The following YARS2 variants were observed in gnomAD, a reference collection of about 807,000 sequenced individuals.
YARS2 encodes tyrosyl-tRNA synthetase 2.
YARS2 carries 38 observed loss-of-function variants against 45.0 expected under a neutral mutation model. That is an observed-to-expected ratio of 0.84 (90% CI 0.65 to 1.11). The LOEUF (loss-of-function observed/expected upper bound fraction) is 1.11. Among genes scored for constraint, YARS2 ranks in the 50% least tolerant of loss-of-function variants. The pLI, the probability that YARS2 is intolerant of heterozygous loss-of-function variation, is 0.00. For missense variants in YARS2, 602 were observed against 599.8 expected, an observed-to-expected ratio of 1.00 and a Z score of -0.04; for synonymous variants, 287 against 245.1, an observed-to-expected ratio of 1.17 and a Z score of -1.60.
intron 2 of YARS2, among the ~76,000 whole-genome samples, chr12:32,752,538 T>G (rs1055235975): frequency 6.6e-6 from 1 of 151,966 alleles, no homozygotes; most frequent in African/African-American, 2.4e-5. Context: ...GTGGATCACT[T>G]GAGGTCAGGA....
chr12:32,754,152 T>C lies in YARS2; in HGVS notation c.780-67A>G, dbSNP rs1955801554. 2.5e-6 allele frequency: 4 copies of C among 1,589,616 alleles called. No homozygotes were observed. The South Asian group carries it at 3.3e-5, about 13-fold the overall frequency. ...GTGGTGGTAGGTTCTACTGTTCACCTTCCAGATTTCTTTCTGGTTACTTGC... is the reference window on the plus strand; with the variant it reads ...GTGGTGGTAGGTTCTACTGTTCACCCTCCAGATTTCTTTCTGGTTACTTGC... On this transcript the variant is annotated intron_variant, in intron 1 of 4. Coordinates refer to ENST00000324868, the MANE Select transcript of YARS2 (RefSeq NM_001040436.3).
intron 1 of YARS2, among the ~76,000 whole-genome samples, chr12:32,754,495 C>T (rs1198782491): frequency 1.3e-5 from 2 of 152,174 alleles, no homozygotes; most frequent in Admixed American, 6.5e-5. Context: ...ACCCGCATTA[C>T]TTGTCAATTA....
At chr12:32,751,937 C>CT (rs34450516) in intron 2 of YARS2, among the ~76,000 whole-genome samples, 1 of 152,280 alleles carries the variant, frequency 6.6e-6, no homozygotes, top group African/African-American at 2.4e-5. Flanking sequence ...GTTTACTGTA[C>CT]TTTTTCTATG....
In YARS2 at chr12:32,747,835, C is replaced by T. The variant is rs377080008; in HGVS notation, c.1275-472G>A. Among the ~76,000 whole-genome samples the T allele has an allele frequency of 5.9e-5, 9 of 152,158 alleles. No individual in the cohort carries two copies. In the East Asian group the frequency reaches 9.7e-4, roughly 16 times the overall value. ...ACAGGTGTGAACCACTGTGTCTGGC[C>T]GGAATTTACGCCTTGCAATCTGCTC... is the stretch of plus-strand genomic sequence containing the variant. On this transcript the variant is annotated intron_variant, in intron 4 of 4. Coordinates refer to ENST00000324868, the MANE Select transcript of YARS2 (RefSeq NM_001040436.3).
At chr12:32,752,687 G>T in intron 2 of YARS2, 1 of 297,734 alleles carries the variant, frequency 3.4e-6, no homozygotes, top group Admixed American at 4.4e-5. Context: ...GTTGCAATGA[G>T]CCAAGATCAT....
At chr12:32,752,870 G>C (rs544802639) in intron 2 of YARS2, 2 of 291,212 alleles carry the variant, frequency 6.9e-6, no homozygotes, top group Non-Finnish European at 1.4e-5. Context: ...TTGTAATAAG[G>C]CATGATAATC....
chr12:32,754,055 G>C lies in YARS2; in HGVS notation c.810C>G (p.Thr270=), dbSNP rs145906298. 4 of 1,614,162 alleles carry C rather than the reference G, an allele frequency of 2.5e-6. No homozygotes were observed. Among genetic ancestry groups the C allele is most frequent in the Non-Finnish European group, 2.5e-6 (3 of 1,180,028 alleles). ...KLTGEDVFGI[T]VPLITSTTGA... ...CAGTTGTACTTGTAATTAGAGGAAC[G>C]GTGATTCCAAATACATCTTCTCCAG... Residue 270 remains threonine, a synonymous_variant, in exon 2 of 5, where the codon ACC becomes ACG. Transcript: ENST00000324868.
At chr12:32,747,619 C>G (rs1403254597) in intron 4 of YARS2, among the ~76,000 whole-genome samples, 1 of 152,212 alleles carries the variant, frequency 6.6e-6, no homozygotes, top group Non-Finnish European at 1.5e-5. Context: ...TCACTGCAAC[C>G]TCCGCCTCCT....
rs1007220466 is a variant in YARS2, at chr12:32,754,000, C to T, written c.865G>A (p.Ala289Thr). ...GTCTTATCTCTGTTTAGCCAAACAG[C>T]GTTGCCAGCAGACTTTCCCAGCTTT... is the stretch of plus-strand genomic sequence containing the variant. ...GAKLGKSAGN[A>T]VWLNRDKTSP... Residue 289 changes from alanine (A) to threonine (T), a missense_variant, in exon 2 of 5, where the codon GCT becomes ACT. Coordinates refer to ENST00000324868, the MANE Select transcript of YARS2 (RefSeq NM_001040436.3). The T allele has an allele frequency of 1.2e-6, 2 of 1,614,126 alleles. No homozygotes were observed. Among genetic ancestry groups the T allele is most frequent in the Admixed American group, 1.7e-5 (1 of 60,010 alleles).
rs747440728 is a variant in YARS2, at chr12:32,754,090, G to A, written c.780-5C>T. 5 of 1,613,978 alleles carry A rather than the reference G, an allele frequency of 3.1e-6. No homozygotes were observed. In the East Asian group the frequency reaches 6.7e-5, roughly 22 times the overall value. On this transcript the variant is annotated splice_polypyrimidine_tract_variant and splice_region_variant and intron_variant, in intron 1 of 4. Transcript: ENST00000324868. ...AATACATCTTCTCCAGTCAACCTACGCATAAAGAACAATTTCATTATGTGC... is the reference window on the plus strand; with the variant it reads ...AATACATCTTCTCCAGTCAACCTACACATAAAGAACAATTTCATTATGTGC...
Position 32,746,885 on chromosome 12 carries a change from A to G in YARS2, c.*319T>C, listed in dbSNP as rs569708847. On this transcript the variant is annotated 3_prime_UTR_variant, in exon 5 of 5. Coordinates refer to ENST00000324868, the MANE Select transcript of YARS2 (RefSeq NM_001040436.3). The stretch of plus-strand genomic sequence containing the variant: ...TTTTTCATTGTTCCTCATCACTACA[A>G]AAAGGAGAGCAGGAAGGGTAAGATA... 3.4e-6 allele frequency: 1 copy of G among 293,208 alleles called. No individual in the cohort carries two copies. Among genetic ancestry groups the G allele is most frequent in the East Asian group, 9.5e-5 (1 of 10,566 alleles). The allele number at this position is 293,208 out of a possible 1,614,324, so 18.2% of individuals were successfully genotyped here. A position where few individuals can be genotyped will look rare whatever the true frequency, so the allele number is the denominator to read the frequency against.
At chr12:32,751,668 A>C (rs1955747853) in intron 2 of YARS2, among the ~76,000 whole-genome samples, 1 of 152,100 alleles carries the variant, frequency 6.6e-6, no homozygotes, top group Non-Finnish European at 1.5e-5. Context: ...GTGGTTTCAG[A>C]ATGAAACTGT....
chr12:32,748,773 A>C (rs1297492376), intron 4 of YARS2, among the ~76,000 whole-genome samples: 1 of 152,096 alleles, frequency 6.6e-6, no homozygotes, highest in Non-Finnish European at 1.5e-5. Context: ...TCTTTAGGAC[A>C]CAGGCAAACA....
intron 2 of YARS2, among the ~76,000 whole-genome samples, chr12:32,751,223 C>A (rs547898618): frequency 6.6e-6 from 1 of 151,764 alleles, no homozygotes; most frequent in East Asian, 1.9e-4. Flanking sequence ...TGTGCCACCA[C>A]GCCTGGCTAA....
chr12:32,751,521 T>TA (rs892970373), intron 2 of YARS2, among the ~76,000 whole-genome samples: 4 of 151,202 alleles, frequency 2.6e-5, no homozygotes, highest in South Asian at 2.1e-4. Flanking sequence ...CATGTGGCCA[T>TA]AAAAAAAAAG....
intron 2 of YARS2, among the ~76,000 whole-genome samples, chr12:32,751,384 A>C (rs1363001722): frequency 6.6e-6 from 1 of 151,962 alleles, no homozygotes; most frequent in East Asian, 1.9e-4. Flanking sequence ...TTTCTTTTTA[A>C]AAGGAACAAA....
chr12:32,755,774 C>T lies in YARS2; in HGVS notation c.101G>A (p.Gly34Asp), dbSNP rs146395254. The T allele has an allele frequency of 2.8e-5, 45 of 1,613,828 alleles. No homozygotes were observed. The African/African-American group carries it at 5.2e-4, about 19-fold the overall frequency. Residue 34 changes from glycine to aspartate, a missense_variant, in exon 1 of 5, where the codon GGC becomes GAC. Gly to Asp is a moderately conservative substitution (Grantham distance 94). Transcript: ENST00000324868. ...CTGCGCTGCCAGTAACCCCTGAGCG[C>T]CCGAGTGGGCCTTACGCAGCCCCAA... ...LPLGLRKAHS[G>D]AQGLLAAQKA...
intron 2 of YARS2, 128 bp from the exon 3 acceptor site, chr12:32,751,002 A>G: frequency 9.3e-7 from 1 of 1,077,410 alleles, no homozygotes; most frequent in Non-Finnish European, 1.3e-6. Flanking sequence ...TGTACTGAAC[A>G]TAGTAGGTCC....
rs1219721719 is a variant in YARS2 at position 32,747,112 on chromosome 12, T to A, written c.*92A>T. ...GTCCATTCTGTTTTTCTGATTTGCA[T>A]AAGCAAAGGTCTAAGTTCTGGAGCC... On this transcript the variant is annotated 3_prime_UTR_variant, in exon 5 of 5. Transcript: ENST00000324868. 2.9e-6 allele frequency: 4 copies of A among 1,368,042 alleles called. No homozygotes were observed. Among genetic ancestry groups the A allele is most frequent in the Non-Finnish European group, 4.1e-6 (4 of 978,838 alleles). 84.7% of individuals were successfully genotyped at this position (1,368,042 alleles called of 1,614,324 possible).
Sources: allele counts gnomAD v4.1 joint callset (sites outside exome capture counted in the v4.1 genomes callset), GRCh38; gene constraint gnomAD v4.1.1; transcripts MANE v1.5; gene names NCBI Gene and HGNC (gene_info 2026-07-23, HGNC 2026-07-21).